The following GRIK2 variants were observed in gnomAD, a reference collection of about 807,000 sequenced individuals.
GRIK2 encodes glutamate ionotropic receptor kainate type subunit 2.
Under a neutral mutation model 100.3 loss-of-function variants are expected in GRIK2, and 32 were observed. The ratio of observed to expected loss-of-function variants is 0.32; its 90% CI spans 0.24 to 0.43. GRIK2 has a LOEUF of 0.43. Among genes scored for constraint, GRIK2 ranks in the 20% least tolerant of loss-of-function variants. The pLI is 1.00. For synonymous variants in GRIK2, 417 were observed against 389.4 expected (o/e 1.07, Z -0.83); for missense variants, 843 against 1,114.9 (o/e 0.76, Z 3.47).
At chr6:101,913,937 T>C (rs554414039) in intron 12 of GRIK2, among the ~76,000 whole-genome samples, 2 of 151,548 alleles carry the variant, frequency 1.3e-5, no homozygotes, top group African/African-American at 2.4e-5. Flanking sequence ...AAAAGAAATA[T>C]TGGTTTCTTG....
intron 14 of GRIK2, among the ~76,000 whole-genome samples, chr6:102,028,652 T>G (rs957566329): frequency 6.1e-5 from 9 of 148,644 alleles, no homozygotes; most frequent in African/African-American, 2.2e-4. Flanking sequence ...GAGACATTAT[T>G]TAATTGATTC....
intron 10 of GRIK2, among the ~76,000 whole-genome samples, chr6:101,842,612 TTTTTA>T (rs2128435368): frequency 6.6e-6 from 1 of 152,296 alleles, no homozygotes; most frequent in South Asian, 2.1e-4. Flanking sequence ...AAAAAACTTT[TTTTTA>T]TTTTATTGAT....
chr6:101,408,375 TGAGA>T (rs3058218), intron 2 of GRIK2, among the ~76,000 whole-genome samples: 20 of 148,032 alleles, frequency 1.4e-4, no homozygotes, highest in Admixed American at 1.4e-4. Context: ...AGGGAGGAAG[TGAGA>T]GAGAGAGAGA....
chr6:101,524,091 T>A (rs1775025614), intron 2 of GRIK2, among the ~76,000 whole-genome samples: 1 of 152,168 alleles, frequency 6.6e-6, no homozygotes. Flanking sequence ...TGTTTGATAA[T>A]GGTGTTTATT....
At chr6:101,688,731 G>T (rs1274615330) in intron 7 of GRIK2, among the ~76,000 whole-genome samples, 1 of 151,836 alleles carries the variant, frequency 6.6e-6, no homozygotes, top group Non-Finnish European at 1.5e-5. Context: ...GAGTTATTTA[G>T]AAGAATTTTC....
intron 2 of GRIK2, among the ~76,000 whole-genome samples, chr6:101,478,548 C>T (rs1283445709): frequency 2.9e-5 from 4 of 139,844 alleles, no homozygotes; most frequent in Admixed American, 7.5e-5. Context: ...GAGTCTCACT[C>T]GGTTGCCCAA....
chr6:101,678,281 C>G (rs998201887), intron 5 of GRIK2, among the ~76,000 whole-genome samples: 3 of 152,026 alleles, frequency 2.0e-5, no homozygotes, highest in Non-Finnish European at 4.4e-5. Flanking sequence ...TTTCTGACTT[C>G]TATTAGATAT....
intron 2 of GRIK2, among the ~76,000 whole-genome samples, chr6:101,577,105 G>T (rs985082403): frequency 1.3e-5 from 2 of 151,480 alleles, no homozygotes; most frequent in Non-Finnish European, 2.9e-5. Context: ...ATAGACTAAT[G>T]ATTAGATTTT....
intron 4 of GRIK2, among the ~76,000 whole-genome samples, chr6:101,648,860 G>A (rs1391631883): frequency 6.6e-6 from 1 of 152,016 alleles, no homozygotes; most frequent in Non-Finnish European, 1.5e-5. Context: ...CACTTGGCTG[G>A]GGAGGCCTCA....
At chr6:101,892,020 C>T (rs1420132278) in intron 12 of GRIK2, among the ~76,000 whole-genome samples, 2 of 152,058 alleles carry the variant, frequency 1.3e-5, no homozygotes, top group Non-Finnish European at 1.5e-5. Flanking sequence ...AATAAATACT[C>T]CAAAATATAC....
At chr6:101,683,862 A>C (rs1239279686) in intron 6 of GRIK2, among the ~76,000 whole-genome samples, 3 of 152,148 alleles carry the variant, frequency 2.0e-5, no homozygotes, top group African/African-American at 7.2e-5. Flanking sequence ...CACCAACAAA[A>C]TTTTACTGAT....
At chr6:101,975,918 G>A (rs968540051) in intron 14 of GRIK2, among the ~76,000 whole-genome samples, 12 of 151,694 alleles carry the variant, frequency 7.9e-5, no homozygotes, top group African/African-American at 2.9e-4. Context: ...TTATGAAAGA[G>A]CAAGGAGAGA....
At chr6:101,579,538 T>C (rs941467607) in intron 2 of GRIK2, among the ~76,000 whole-genome samples, 2 of 152,068 alleles carry the variant, frequency 1.3e-5, no homozygotes, top group Non-Finnish European at 2.9e-5. Flanking sequence ...CCTCACTTAG[T>C]CTATCTTTCT....
chr6:101,495,212 G>A (rs1268008610), intron 2 of GRIK2, among the ~76,000 whole-genome samples: 1 of 151,146 alleles, frequency 6.6e-6, no homozygotes, highest in Non-Finnish European at 1.5e-5. Context: ...TAGCCTTTAA[G>A]TTGCAGATAA....
rs570374345 is a variant in GRIK2 at position 102,011,171 on chromosome 6, G to T, written c.2086-24170G>T. Among the ~76,000 whole-genome samples, 8 of 152,306 alleles carry T rather than the reference G, an allele frequency of 5.3e-5. 1 individual carries two copies. The South Asian group carries it at 1.7e-3, about 32-fold the overall frequency. ...TTTTGCATTCCCACTAGCAATGAGT[G>T]AGAGTTCTTGTTGTTCCAGATTCTT... is the stretch of plus-strand genomic sequence containing the variant. On this transcript the variant is annotated intron_variant, in intron 14 of 16. Coordinates refer to ENST00000369134, the MANE Select transcript of GRIK2 (RefSeq NM_021956.5).
intron 14 of GRIK2, among the ~76,000 whole-genome samples, chr6:102,029,675 T>G (rs1358488321): frequency 6.6e-6 from 1 of 151,254 alleles, no homozygotes; most frequent in Non-Finnish European, 1.5e-5. Flanking sequence ...ATATAAATAT[T>G]TTCAAACCAG....
chr6:101,656,258 G>T (rs968018243), intron 4 of GRIK2, among the ~76,000 whole-genome samples: 36 of 148,722 alleles, frequency 2.4e-4, no homozygotes, highest in African/African-American at 7.9e-4. Context: ...AGCTGAGATT[G>T]CACCATTGTA....
intron 14 of GRIK2, among the ~76,000 whole-genome samples, chr6:102,020,062 A>G (rs1055394621): frequency 1.1e-4 from 17 of 151,998 alleles, no homozygotes; most frequent in Non-Finnish European, 1.0e-4. Context: ...TAAAAAGACT[A>G]TATTGTGTAG....
chr6:102,043,176 G>A (rs2518148), intron 15 of GRIK2, among the ~76,000 whole-genome samples: 3 of 151,426 alleles, frequency 2.0e-5, no homozygotes, highest in Non-Finnish European at 3.0e-5. Context: ...AAACTAAACA[G>A]TTATAATGTG....
Sources: gnomAD v4.1 joint callset for allele counts (sites outside exome capture counted in the v4.1 genomes callset) on GRCh38, gnomAD v4.1.1 for gene constraint, MANE v1.5 for transcripts, NCBI Gene and HGNC (gene_info 2026-07-23, HGNC 2026-07-21) for gene names.